ARHGEF3: variants seen among roughly 807,000 people sequenced by gnomAD.
ARHGEF3 encodes Rho guanine nucleotide exchange factor 3, also known as 59.8 kDA protein.
A neutral mutation model predicts 63.2 loss-of-function variants in ARHGEF3; 28 were observed. The ratio of observed to expected loss-of-function variants is 0.44; its 90% CI spans 0.33 to 0.61. The LOEUF is 0.61. Among genes scored for constraint, ARHGEF3 ranks in the 20% least tolerant of loss-of-function variants. ARHGEF3 has a pLI of 0.03. For missense variants in ARHGEF3, 533 were observed against 659.3 expected (o/e 0.81, Z 2.10); for synonymous variants, 266 against 254.2 (o/e 1.05, Z -0.44).
At position 56,995,666 on chromosome 3, in the gene ARHGEF3, A is replaced by G. The variant is rs946003057; in HGVS notation, c.63-36777T>C. ...GAGAGAGAGAGAGAGAGAGAGAGAGAGAGAGAATTTTTTTTAACCTGGTCT... is the reference window on the plus strand; with the variant it reads ...GAGAGAGAGAGAGAGAGAGAGAGAGGGAGAGAATTTTTTTTAACCTGGTCT... On this transcript the variant is annotated intron_variant, in intron 2 of 12. Transcript: ENST00000338458. Among the ~76,000 whole-genome samples, 367 of 127,156 alleles carry G rather than the reference A, an allele frequency of 2.9e-3. 1 individual carries two copies. The highest frequency in any genetic ancestry group is 3.8e-3 in the Non-Finnish European group (218 of 57,800). 83.4% of individuals were successfully genotyped at this position (127,156 alleles called of 152,430 possible).
At chr3:56,961,438 C>T (rs1700274898) in intron 2 of ARHGEF3, among the ~76,000 whole-genome samples, 1 of 152,130 alleles carries the variant, frequency 6.6e-6, no homozygotes, top group African/African-American at 2.4e-5. Context: ...AGGATGCAGT[C>T]CCTCTCACAT....
chr3:56,982,799 G>A lies in ARHGEF3; in HGVS notation c.63-23910C>T, dbSNP rs577521897. Reference sequence around the variant, plus strand: ...CAGCAGCCCTGGGACCTGGCCTGCAGAACCCCTGGCTGTCCTTCCTCCTCT... The same window carrying A: ...CAGCAGCCCTGGGACCTGGCCTGCAAAACCCCTGGCTGTCCTTCCTCCTCT... On this transcript the variant is annotated intron_variant, in intron 2 of 12. Transcript: ENST00000338458. Among the ~76,000 whole-genome samples, 239 of 152,210 alleles carry A rather than the reference G, an allele frequency of 1.6e-3. 2 individuals are homozygous for A. Among genetic ancestry groups the A allele is most frequent in the South Asian group, 0.013 (61 of 4,812 alleles).
chr3:56,860,780 T>G (rs997072805), intron 4 of ARHGEF3, among the ~76,000 whole-genome samples: 2 of 152,212 alleles, frequency 1.3e-5, no homozygotes, highest in Admixed American at 1.3e-4. Context: ...GAGTGTAATC[T>G]GATTTATGTT....
intron 2 of ARHGEF3, among the ~76,000 whole-genome samples, chr3:57,006,438 T>A (rs973328477): frequency 1.3e-5 from 2 of 152,016 alleles, no homozygotes; most frequent in African/African-American, 4.8e-5. Context: ...AGGAACTCAT[T>A]AGGCGGAGCT....
At position 56,877,376 on chromosome 3, in the gene ARHGEF3, CT is replaced by C. The variant is rs755860299; in HGVS notation, c.192+4915del. Among the ~76,000 whole-genome samples the C allele has an allele frequency of 2.7e-3, 374 of 136,882 alleles. 1 individual carries two copies. The highest frequency in any genetic ancestry group is 5.5e-3 in the Admixed American group (73 of 13,326). The allele number at this position is 136,882 out of a possible 152,430, so 89.8% of individuals were successfully genotyped here. A position where few individuals can be genotyped will look rare whatever the true frequency, so the allele number is the denominator to read the frequency against. On this transcript the variant is annotated intron_variant, in intron 4 of 12. Coordinates refer to the ARHGEF3 transcript ENST00000338458. ...GAATAAATTAATTTGTACTATAATC[CT>C]TTTTTTTTTTTTTTTGAGATAGGGT...
intron 3 of ARHGEF3, among the ~76,000 whole-genome samples, chr3:56,896,263 C>G (rs892307192): frequency 2.0e-5 from 3 of 152,148 alleles, no homozygotes; most frequent in Non-Finnish European, 4.4e-5. Context: ...CTACAGCTGA[C>G]CTCATTTGCT....
At chr3:56,806,454 G>A (rs2037865408), upstream of ARHGEF3, among the ~76,000 whole-genome samples, 1 of 152,354 alleles carries the variant, frequency 6.6e-6, no homozygotes. Context: ...GGCACAAAGT[G>A]TCTTTCAGAA....
chr3:56,760,830 C>G (rs1367712035), intron 2 of ARHGEF3, among the ~76,000 whole-genome samples: 1 of 152,150 alleles, frequency 6.6e-6, no homozygotes, highest in Admixed American at 6.5e-5. Flanking sequence ...AATACATTTG[C>G]TCAGTTTTAG....
At chr3:56,755,953 T>C (rs1234322376) in intron 2 of ARHGEF3, among the ~76,000 whole-genome samples, 3 of 152,112 alleles carry the variant, frequency 2.0e-5, no homozygotes, top group Non-Finnish European at 4.4e-5. Context: ...CCTTAGACAT[T>C]TTCATTACAT....
At position 56,901,585 on chromosome 3, in the gene ARHGEF3, A is replaced by ATT. The variant is rs35046019; in HGVS notation, c.130-19233_130-19232dup. Among the ~76,000 whole-genome samples, 1,064 of 141,414 alleles carry ATT rather than the reference A, an allele frequency of 7.5e-3. 12 individuals are homozygous for ATT. The highest frequency in any genetic ancestry group is 0.012 in the South Asian group (54 of 4,370). The allele number at this position is 141,414 out of a possible 152,430, so 92.8% of individuals were successfully genotyped here. A position where few individuals can be genotyped will look rare whatever the true frequency, so the allele number is the denominator to read the frequency against. ...AAGTTTCTGTGAGCCTCTGGTTGTA[A>ATT]TTTTTTTTTTTTTTTTGAGACAGGG... On this transcript the variant is annotated intron_variant, in intron 3 of 12. Transcript: ENST00000338458.
intron 1 of ARHGEF3, among the ~76,000 whole-genome samples, chr3:57,063,142 C>T (rs984468507): frequency 4.6e-5 from 7 of 152,066 alleles, no homozygotes; most frequent in Non-Finnish European, 1.0e-4. Context: ...TTTTGGGCAG[C>T]GGGAATAGCA....
chr3:57,014,390 T>C (rs1241920900), intron 2 of ARHGEF3, among the ~76,000 whole-genome samples: 1 of 152,060 alleles, frequency 6.6e-6, no homozygotes, highest in Non-Finnish European at 1.5e-5. Context: ...CCACGCCCCT[T>C]CCATCACCAC....
chr3:57,057,749 C>T (rs1462091404), intron 1 of ARHGEF3, among the ~76,000 whole-genome samples: 2 of 152,188 alleles, frequency 1.3e-5, no homozygotes, highest in Non-Finnish European at 2.9e-5. Context: ...CTTCTACACT[C>T]AACCCAGTGA....
In ARHGEF3 at chr3:57,053,277, C is replaced by T. The variant is rs1053732239; in HGVS notation, c.-27-18101G>A. 6.6e-5 allele frequency among the ~76,000 whole-genome samples: 10 copies of T among 152,100 alleles called. No homozygotes were observed. The East Asian group carries it at 7.7e-4, about 12-fold the overall frequency. On this transcript the variant is annotated intron_variant, in intron 1 of 12. Transcript: ENST00000338458. ...AGCGAGCGCTCACTGCCAAAGGACA[C>T]GTGGGTAGGAGAGGGCAGGGAGGGA...
intron 3 of ARHGEF3, among the ~76,000 whole-genome samples, chr3:56,949,383 A>G: frequency 6.6e-6 from 1 of 151,934 alleles, no homozygotes; most frequent in Non-Finnish European, 1.5e-5. Context: ...AGAAAACCCC[A>G]TCGTCTCAGC....
chr3:56,854,051 C>T (rs963708345), intron 4 of ARHGEF3, among the ~76,000 whole-genome samples: 30 of 151,978 alleles, frequency 2.0e-4, no homozygotes, highest in African/African-American at 7.3e-4. Context: ...AAAATCTAGC[C>T]GGGTGTGGTG....
intron 3 of ARHGEF3, chr3:56,916,418 C>T (rs2041992819): frequency 6.7e-7 from 1 of 1,486,350 alleles, no homozygotes; most frequent in African/African-American, 1.4e-5. Context: ...ATTCTCTGAA[C>T]AGGGCTGAGC....
intron 1 of ARHGEF3, among the ~76,000 whole-genome samples, chr3:56,778,108 C>T (rs1363602131): frequency 1.3e-5 from 2 of 152,168 alleles, no homozygotes; most frequent in Non-Finnish European, 2.9e-5. Context: ...TAGGAAGTTA[C>T]AATCTTACAG....
At chr3:57,046,705 A>G (rs1316335724) in intron 1 of ARHGEF3, among the ~76,000 whole-genome samples, 4 of 152,138 alleles carry the variant, frequency 2.6e-5, no homozygotes, top group African/African-American at 9.7e-5. Context: ...TGGTGGTCAG[A>G]GCCAAAGGAA....
Sources: allele counts gnomAD v4.1 joint callset (sites outside exome capture counted in the v4.1 genomes callset), GRCh38; gene constraint gnomAD v4.1.1; transcripts MANE v1.5; gene names NCBI Gene and HGNC (gene_info 2026-07-23, HGNC 2026-07-21).